The following KIFC3 variants were observed in gnomAD, a reference collection of about 807,000 sequenced individuals.
KIFC3 encodes kinesin-like protein KIFC3.
A neutral mutation model predicts 101.8 loss-of-function variants in KIFC3; 60 were observed. The observed-to-expected ratio is 0.59, with a 90% CI of 0.48 to 0.73. The LOEUF is 0.73. Among genes scored for constraint, KIFC3 ranks in the 30% least tolerant of loss-of-function variants. KIFC3 has a pLI of 0.00. For missense variants in KIFC3, 966 were observed against 1,137.1 expected, an observed-to-expected ratio of 0.85 and a Z score of 2.16; for synonymous variants, 476 against 482.7, an observed-to-expected ratio of 0.99 and a Z score of 0.18.
chr16:57,813,521 G>A (rs1342255192), intron 1 of KIFC3: 4 of 216,788 alleles, frequency 1.8e-5, no homozygotes, highest in African/African-American at 4.7e-5. Context: ...CACCTCCTGG[G>A]GCAAATGGCA....
intron 1 of KIFC3, among the ~76,000 whole-genome samples, chr16:57,824,248 G>T (rs1416466799): frequency 3.3e-5 from 5 of 152,224 alleles, no homozygotes; most frequent in Admixed American, 6.5e-5. Flanking sequence ...CCCTGCCTTG[G>T]GGGAGCCACT....
chr16:57,851,089 C>T (rs1298578477), intron 1 of KIFC3, among the ~76,000 whole-genome samples: 2 of 151,974 alleles, frequency 1.3e-5, no homozygotes, highest in African/African-American at 4.8e-5. Context: ...CCGCTCACTG[C>T]AGCCTCAAGC....
chr16:57,834,109 G>A (rs561735246), intron 1 of KIFC3, among the ~76,000 whole-genome samples: 1 of 151,924 alleles, frequency 6.6e-6, no homozygotes, highest in East Asian at 1.9e-4. Context: ...TGATCTGCCC[G>A]CTCGGCCTCC....
chr16:57,803,921 C>A (rs189300530), upstream of KIFC3, among the ~76,000 whole-genome samples: 402 of 152,258 alleles, frequency 2.6e-3, 2 homozygotes, highest in African/African-American at 8.4e-3. Flanking sequence ...TGGATGAAGG[C>A]AAAATGTCTC....
At chr16:57,849,931 C>T (rs115053177) in intron 1 of KIFC3, among the ~76,000 whole-genome samples, 141 of 151,504 alleles carry the variant, frequency 9.3e-4, no homozygotes, top group Middle Eastern at 3.4e-3. Context: ...GTTAATGGGC[C>T]GGGTGCAGAG....
rs782372810 is a variant in KIFC3, at chr16:57,758,625, C to T, written c.*309G>A. ...AGAGGCCCACCCTCCTCCACACTCC[C>T]GCCCTCCTCACGGGGCCCAGTTCGC... On this transcript the variant is annotated 3_prime_UTR_variant, in exon 20 of 20. Coordinates refer to ENST00000445690, the MANE Select transcript of KIFC3 (RefSeq NM_001130100.2). The T allele has an allele frequency of 3.9e-5, 27 of 696,336 alleles. No individual in the cohort carries two copies. The highest frequency in any genetic ancestry group is 8.7e-5 in the African/African-American group (5 of 57,164). The allele number at this position is 696,336 out of a possible 1,614,324, so 43.1% of individuals were successfully genotyped here. A position where few individuals can be genotyped will look rare whatever the true frequency, so the allele number is the denominator to read the frequency against.
At chr16:57,830,609 C>T (rs951735104) in intron 1 of KIFC3, 1 of 152,066 alleles carries the variant, frequency 6.6e-6, no homozygotes, top group Admixed American at 6.6e-5. Context: ...CTGTATCGTT[C>T]CAATTTTAGT....
intron 1 of KIFC3, among the ~76,000 whole-genome samples, chr16:57,843,319 A>G (rs2055849363): frequency 6.6e-6 from 1 of 152,200 alleles, no homozygotes; most frequent in Admixed American, 6.6e-5. Context: ...GAATATGAAC[A>G]CTGACCACCT....
At chr16:57,770,862 G>A (rs531059403) in intron 6 of KIFC3, among the ~76,000 whole-genome samples, 162 bp from the exon 7 acceptor site, 1 of 152,212 alleles carries the variant, frequency 6.6e-6, no homozygotes, top group African/African-American at 2.4e-5. Context: ...CCAGAAAGCT[G>A]GGGGGGTCTC....
upstream of KIFC3, among the ~76,000 whole-genome samples, chr16:57,805,352 C>A (rs566164752): frequency 1.2e-4 from 18 of 152,292 alleles, no homozygotes; most frequent in South Asian, 3.7e-3. Flanking sequence ...CATTTCTAAC[C>A]CAGAAACTTC....
intron 1 of KIFC3, among the ~76,000 whole-genome samples, chr16:57,850,218 C>T (rs1238063123): frequency 6.6e-6 from 1 of 151,694 alleles, no homozygotes; most frequent in African/African-American, 2.4e-5. Context: ...GCCTGGGCAA[C>T]ATAGCGAGAC....
At chr16:57,782,052 G>C in intron 3 of KIFC3, 1 of 985,458 alleles carries the variant, frequency 1.0e-6, no homozygotes, top group Non-Finnish European at 1.2e-6. Context: ...GCTTTGCTTA[G>C]AGAGGCAAAG....
At position 57,830,661 on chromosome 16, in the gene KIFC3, C is replaced by T. The variant is rs927796271; in HGVS notation, c.108+32068G>A. On this transcript the variant is annotated intron_variant, in intron 1 of 2. Coordinates refer to the KIFC3 transcript ENST00000563028. ...CGAGCACTGTTTTCCTTTCTGTAAA[C>T]TGGGAATAATAGCAATGCCCTTCCC... The T allele has an allele frequency of 3.9e-5, 6 of 152,304 alleles. No homozygotes were observed. The South Asian group carries it at 1.2e-3, about 32-fold the overall frequency. The allele number at this position is 152,304 out of a possible 1,614,324, so 9.4% of individuals were successfully genotyped here. A position where few individuals can be genotyped will look rare whatever the true frequency, so the allele number is the denominator to read the frequency against.
chr16:57,787,126 G>A (rs1057422999), intron 3 of KIFC3, among the ~76,000 whole-genome samples: 2 of 152,252 alleles, frequency 1.3e-5, no homozygotes, highest in South Asian at 2.1e-4. Flanking sequence ...GCCTGCACAC[G>A]GGGCAGCATG....
intron 1 of KIFC3, among the ~76,000 whole-genome samples, chr16:57,817,258 C>A (rs1474465641): frequency 1.3e-5 from 2 of 151,812 alleles, no homozygotes; most frequent in Non-Finnish European, 2.9e-5. Flanking sequence ...ACTCAGGAGG[C>A]TGAGGCAGGA....
At chr16:57,767,078 C>T (rs2050579378) in intron 9 of KIFC3, 93 bp from the exon 10 acceptor site, 6 of 948,534 alleles carry the variant, frequency 6.3e-6, no homozygotes, top group South Asian at 1.4e-5. Context: ...CTGCCTCCTG[C>T]CCCTGGCTGA....
chr16:57,797,900 C>G lies in KIFC3; in HGVS notation c.172+172G>C, dbSNP rs1278488131. ...GACAGGGGCGCAGGGAAGGAGCGCC[C>G]GGCGAGACTGACGCTCCGGCTCCAC... On this transcript the variant is annotated intron_variant, in intron 2 of 19. Coordinates refer to ENST00000445690, the MANE Select transcript of KIFC3 (RefSeq NM_001130100.2). The G allele has an allele frequency of 2.0e-6, 3 of 1,482,630 alleles. No homozygotes were observed. In the African/African-American group the frequency reaches 4.3e-5, roughly 21 times the overall value. 91.8% of individuals were successfully genotyped at this position (1,482,630 alleles called of 1,614,324 possible).
intron 3 of KIFC3, among the ~76,000 whole-genome samples, chr16:57,777,521 G>C (rs2052244339): frequency 6.6e-6 from 1 of 152,160 alleles, no homozygotes; most frequent in African/African-American, 2.4e-5. Flanking sequence ...AGAAGTTTGA[G>C]GCCACCCTGG....
intron 1 of KIFC3, among the ~76,000 whole-genome samples, chr16:57,834,935 T>C (rs1463815464): frequency 1.3e-5 from 2 of 152,234 alleles, no homozygotes; most frequent in African/African-American, 4.8e-5. Flanking sequence ...CTGCTGCCAA[T>C]AGCTTTTCCC....
Sources: allele counts gnomAD v4.1 joint callset (sites outside exome capture counted in the v4.1 genomes callset), GRCh38; gene constraint gnomAD v4.1.1; transcripts MANE v1.5; gene names NCBI Gene and HGNC (gene_info 2026-07-23, HGNC 2026-07-21).